The following SPMIP2 variants were observed in gnomAD, a reference collection of about 807,000 sequenced individuals.
SPMIP2 encodes the protein protein SPMIP2.
the SPMIP2 span, among the ~76,000 whole-genome samples, chr4:158,961,541 A>T: frequency 6.6e-6 from 1 of 152,124 alleles, no homozygotes; most frequent in East Asian, 1.9e-4. Context: ...GATCCCCTGA[A>T]AATTGAATTT....
chr4:158,958,536 A>C, the SPMIP2 span, among the ~76,000 whole-genome samples: 471 of 152,354 alleles, frequency 3.1e-3, 2 homozygotes, highest in African/African-American at 0.011. Context: ...CTGGTTCACC[A>C]TGATGGCCAC....
At chr4:158,917,153 G>A in the SPMIP2 span, among the ~76,000 whole-genome samples, 1 of 152,232 alleles carries the variant, frequency 6.6e-6, no homozygotes, top group Non-Finnish European at 1.5e-5. Flanking sequence ...AGGAGGCCGA[G>A]GCAGGAGAAT....
the SPMIP2 span, among the ~76,000 whole-genome samples, chr4:158,954,952 T>C: frequency 6.6e-6 from 1 of 152,078 alleles, no homozygotes; most frequent in African/African-American, 2.4e-5. Flanking sequence ...CTATCTATGC[T>C]TTTTATTCTG....
the SPMIP2 span, chr4:158,915,225 G>C: frequency 1.2e-6 from 2 of 1,613,624 alleles, no homozygotes; most frequent in Non-Finnish European, 1.7e-6. Context: ...TCTTGGCAAT[G>C]ATGACTTACA....
At chr4:158,943,752 A>C in the SPMIP2 span, among the ~76,000 whole-genome samples, 2 of 151,982 alleles carry the variant, frequency 1.3e-5, no homozygotes, top group Non-Finnish European at 2.9e-5. Context: ...TGCTGACCCC[A>C]GAACAGTGCT....
At chr4:158,959,238 G>C in the SPMIP2 span, among the ~76,000 whole-genome samples, 1 of 152,138 alleles carries the variant, frequency 6.6e-6, no homozygotes, top group African/African-American at 2.4e-5. Flanking sequence ...AAGTTTTATT[G>C]ATTTTCAGTG....
the SPMIP2 span, among the ~76,000 whole-genome samples, chr4:159,004,370 A>G: frequency 7.3e-6 from 1 of 136,416 alleles, no homozygotes; most frequent in African/African-American, 2.8e-5. Flanking sequence ...AGCTCACTGC[A>G]ACCTCCACCT....
chr4:158,977,117 G>GT, the SPMIP2 span, among the ~76,000 whole-genome samples: 1 of 152,294 alleles, frequency 6.6e-6, no homozygotes, highest in East Asian at 1.9e-4. Flanking sequence ...CATAAAATGA[G>GT]TTAAGGAGGA....
At chr4:159,062,069 G>C in the SPMIP2 span, among the ~76,000 whole-genome samples, 2 of 152,298 alleles carry the variant, frequency 1.3e-5, no homozygotes, top group East Asian at 3.9e-4. Flanking sequence ...CGTGTGTGTC[G>C]GGAGCTAGAC....
At chr4:158,960,832 G>A in the SPMIP2 span, among the ~76,000 whole-genome samples, 1 of 152,110 alleles carries the variant, frequency 6.6e-6, no homozygotes, top group Admixed American at 6.5e-5. Flanking sequence ...GCATAATTCA[G>A]AGTATTGATA....
chr4:159,045,115 T>C, the SPMIP2 span, among the ~76,000 whole-genome samples: 1 of 150,144 alleles, frequency 6.7e-6, no homozygotes, highest in Admixed American at 6.6e-5. Flanking sequence ...AAAAAAGAAG[T>C]TATAGCTGAG....
chr4:158,970,477 C>T, the SPMIP2 span, among the ~76,000 whole-genome samples: 1 of 151,764 alleles, frequency 6.6e-6, no homozygotes, highest in South Asian at 2.1e-4. Flanking sequence ...GAGATGGAGG[C>T]TGCAGTGAGC....
chr4:159,076,481 G>A, the SPMIP2 span, among the ~76,000 whole-genome samples: 5 of 152,034 alleles, frequency 3.3e-5, no homozygotes, highest in Admixed American at 3.3e-4. Flanking sequence ...AAAAAACCCA[G>A]CATATTATGA....
At chr4:159,017,195 A>G in the SPMIP2 span, among the ~76,000 whole-genome samples, 4 of 152,206 alleles carry the variant, frequency 2.6e-5, no homozygotes, top group African/African-American at 7.2e-5. Context: ...AAAACAGTGT[A>G]CAATGATAGG....
the SPMIP2 span, among the ~76,000 whole-genome samples, chr4:158,968,942 G>C: frequency 2.0e-5 from 3 of 152,078 alleles, no homozygotes; most frequent in African/African-American, 7.2e-5. Flanking sequence ...AGATTTCAAA[G>C]CCTCAAAATT....
At chr4:158,902,132 C>G in the SPMIP2 span, among the ~76,000 whole-genome samples, 1 of 152,062 alleles carries the variant, frequency 6.6e-6, no homozygotes, top group Non-Finnish European at 1.5e-5. Context: ...ATTTATCTAC[C>G]TTTGGTCTTT....
the SPMIP2 span, among the ~76,000 whole-genome samples, chr4:158,979,957 A>G: frequency 6.6e-6 from 1 of 152,042 alleles, no homozygotes; most frequent in Non-Finnish European, 1.5e-5. Context: ...ACTGGTTTGA[A>G]ATTCTTGCTG....
At chr4:159,052,347 C>CT in the SPMIP2 span, among the ~76,000 whole-genome samples, 1 of 151,952 alleles carries the variant, frequency 6.6e-6, no homozygotes, top group Non-Finnish European at 1.5e-5. Context: ...GTGTCCCATG[C>CT]TCCATGAGTT....
the SPMIP2 span, among the ~76,000 whole-genome samples, chr4:158,954,706 G>T: frequency 1.3e-5 from 2 of 152,174 alleles, no homozygotes; most frequent in African/African-American, 4.8e-5. Flanking sequence ...TAGAACAAAA[G>T]ATTATCACAG....
Sources: gnomAD v4.1 joint callset for allele counts (sites outside exome capture counted in the v4.1 genomes callset) on GRCh38, gnomAD v4.1.1 for gene constraint, MANE v1.5 for transcripts, NCBI Gene and HGNC (gene_info 2026-07-23, HGNC 2026-07-21) for gene names.